DNALI1: variants seen among roughly 807,000 people sequenced by gnomAD.
The protein encoded by DNALI1 is dynein axonemal light intermediate chain 1.
A neutral mutation model predicts 33.9 loss-of-function variants in DNALI1; 31 were observed. The ratio of observed to expected loss-of-function variants is 0.91; its 90% CI spans 0.69 to 1.23. The LOEUF is 1.23. DNALI1 is among the 50% of genes most tolerant of loss of function. DNALI1 has a pLI of 0.00. For synonymous variants in DNALI1, 117 were observed against 129.2 expected (o/e 0.91, Z 0.64); for missense variants, 305 against 323.8 (o/e 0.94, Z 0.44).
rs1161825648 is a variant in DNALI1, at chr1:37,559,464, C to G, written c.365C>G (p.Pro122Arg). The G allele has an allele frequency of 3.1e-6, 5 of 1,612,252 alleles. No homozygotes were observed. Among genetic ancestry groups the G allele is most frequent in the Non-Finnish European group, 4.2e-6 (5 of 1,179,374 alleles). ...QRQARETGICPVRRELYSQCF... is the reference protein window; with the variant it reads ...QRQARETGICRVRRELYSQCF... ...CAGGCCAGGGAAACAGGCATCTGCCCTGTCCGCAGGGAACTCTACTCACAG... is the reference window on the plus strand; with the variant it reads ...CAGGCCAGGGAAACAGGCATCTGCCGTGTCCGCAGGGAACTCTACTCACAG... Residue 122 changes from proline to arginine, a missense_variant, in exon 3 of 6, where the codon CCT (proline) becomes CGT (arginine). Pro to Arg is a moderately radical substitution (Grantham distance 103, BLOSUM62 -2). Transcript: ENST00000652629. This position sits in a 1 kb window ranked among gnomAD's most constrained non-coding sequence, Gnocchi z 5.3.
Position 37,561,476 on chromosome 1 carries a change from G to A in DNALI1, c.398-81G>A. On this transcript the variant is annotated intron_variant, in intron 3 of 5. Transcript: ENST00000652629. This position sits in a 1 kb window ranked among gnomAD's most constrained non-coding sequence, Gnocchi z 4.6. The stretch of plus-strand genomic sequence containing the variant: ...GAGAACACCCTAATGTCCTTCCCAA[G>A]AGGAAGGGTGTTTGCAGTAGACATA... The A allele has an allele frequency of 1.3e-6, 2 of 1,506,160 alleles. No homozygotes were observed. Among genetic ancestry groups the A allele is most frequent in the Non-Finnish European group, 1.8e-6 (2 of 1,107,870 alleles). The allele number at this position is 1,506,160 out of a possible 1,614,324, so 93.3% of individuals were successfully genotyped here. A position where few individuals can be genotyped will look rare whatever the true frequency, so the allele number is the denominator to read the frequency against.
At chr1:37,564,782 AT>A (rs1643480933) in intron 5 of DNALI1, among the ~76,000 whole-genome samples, 1 of 152,186 alleles carries the variant, frequency 6.6e-6, no homozygotes, top group African/African-American at 2.4e-5. Context: ...AATGCTTTAT[AT>A]CATACCCGGA....
chr1:37,561,757 C>G lies in DNALI1; in HGVS notation c.576+22C>G, dbSNP rs771061760. Reference sequence around the variant, plus strand: ...GAAAGTGAGTGGGGTTTACCGTGACCCTTGGTCCCATCTCTTCTGTAAACC... The same window carrying G: ...GAAAGTGAGTGGGGTTTACCGTGACGCTTGGTCCCATCTCTTCTGTAAACC... On this transcript the variant is annotated intron_variant, in intron 4 of 5. Coordinates refer to ENST00000652629, the MANE Select transcript of DNALI1 (RefSeq NM_003462.5). The surrounding 1 kb of genome is among the most constrained non-coding windows in gnomAD (Gnocchi z 4.6). The G allele has an allele frequency of 1.2e-6, 2 of 1,606,312 alleles. No homozygotes were observed. The highest frequency in any genetic ancestry group is 1.7e-5 in the Admixed American group (1 of 59,618).
In DNALI1 at chr1:37,561,903, C is replaced by T; in HGVS notation, c.576+168C>T. 7.4e-7 allele frequency: 1 copy of T among 1,349,628 alleles called. No individual in the cohort carries two copies. The highest frequency in any genetic ancestry group is 1.0e-6 in the Non-Finnish European group (1 of 992,322). The allele number at this position is 1,349,628 out of a possible 1,614,324, so 83.6% of individuals were successfully genotyped here. ...GGGACCCCTGGTTGAGTATGATGGC[C>T]AGCCTGGTGGTCTTGGCAGAGTTGT... On this transcript the variant is annotated intron_variant, in intron 4 of 5. Coordinates refer to ENST00000652629, the MANE Select transcript of DNALI1 (RefSeq NM_003462.5). This position sits in a 1 kb window ranked among gnomAD's most constrained non-coding sequence, Gnocchi z 4.6.
At position 37,559,086 on chromosome 1, in the gene DNALI1, C is replaced by G. The variant is rs1643405564; in HGVS notation, c.228-241C>G. On this transcript the variant is annotated intron_variant, in intron 2 of 5. Coordinates refer to ENST00000652629, the MANE Select transcript of DNALI1 (RefSeq NM_003462.5). This position sits in a 1 kb window ranked among gnomAD's most constrained non-coding sequence, Gnocchi z 5.3. ...TCTGGAACAGTGGGGAATGATTTCA[C>G]AGAGGCCCGTTGCCAAGGTGGAAAT... 6.6e-6 allele frequency among the ~76,000 whole-genome samples: 1 copy of G among 152,238 alleles called. No individual in the cohort carries two copies.
chr1:37,566,257 C>G lies in DNALI1; in HGVS notation c.*1196C>G, dbSNP rs1257626781. 2 of 152,534 alleles carry G rather than the reference C, an allele frequency of 1.3e-5. No homozygotes were observed. The highest frequency in any genetic ancestry group is 2.1e-4 in the South Asian group (1 of 4,834). The allele number at this position is 152,534 out of a possible 1,614,324, so 9.4% of individuals were successfully genotyped here. On this transcript the variant is annotated 3_prime_UTR_variant, in exon 6 of 6. Transcript: ENST00000652629. ...CTAAGGAGCAGCTTTTACCCTGATC[C>G]AGTATCCTGAGGAATTTTAAGCCTC...
chr1:37,561,945 C>G lies in DNALI1; in HGVS notation c.577-136C>G. On this transcript the variant is annotated intron_variant, in intron 4 of 5. Coordinates refer to ENST00000652629, the MANE Select transcript of DNALI1 (RefSeq NM_003462.5). The surrounding 1 kb of genome is among the most constrained non-coding windows in gnomAD (Gnocchi z 4.6). ...CAGAGTTGTTTCCGCTGTAGACGCT[C>G]CATGCCAGGCACTGACCTCCCACTG... 1 of 1,442,426 alleles carries G rather than the reference C, an allele frequency of 6.9e-7. No homozygotes were observed. The highest frequency in any genetic ancestry group is 9.4e-7 in the Non-Finnish European group (1 of 1,058,912). 89.4% of individuals were successfully genotyped at this position (1,442,426 alleles called of 1,614,324 possible).
chr1:37,561,459 C>A lies in DNALI1; in HGVS notation c.398-98C>A. Reference sequence around the variant, plus strand: ...GCACTTTGTCTCCAAGCGAGAACACCCTAATGTCCTTCCCAAGAGGAAGGG... The same window carrying A: ...GCACTTTGTCTCCAAGCGAGAACACACTAATGTCCTTCCCAAGAGGAAGGG... On this transcript the variant is annotated intron_variant, in intron 3 of 5. Transcript: ENST00000652629. This position sits in a 1 kb window ranked among gnomAD's most constrained non-coding sequence, Gnocchi z 4.6. 6.9e-7 allele frequency: 1 copy of A among 1,458,314 alleles called. No homozygotes were observed. The highest frequency in any genetic ancestry group is 9.3e-7 in the Non-Finnish European group (1 of 1,077,544). The allele number at this position is 1,458,314 out of a possible 1,614,324, so 90.3% of individuals were successfully genotyped here. A position where few individuals can be genotyped will look rare whatever the true frequency, so the allele number is the denominator to read the frequency against.
chr1:37,560,530 T>C (rs1465896751), intron 3 of DNALI1: 3 of 152,192 alleles, frequency 2.0e-5, no homozygotes, highest in East Asian at 1.9e-4. Flanking sequence ...GAGCTCAAGG[T>C]TGGGGCAAAG....
At chr1:37,558,591 C>T (rs1165834964) in intron 2 of DNALI1, among the ~76,000 whole-genome samples, 1 of 152,192 alleles carries the variant, frequency 6.6e-6, no homozygotes, top group African/African-American at 2.4e-5. Context: ...CCACAGGGAC[C>T]TCACTTGCTA....
intron 5 of DNALI1, among the ~76,000 whole-genome samples, chr1:37,563,933 A>C (rs1480155239): frequency 6.6e-6 from 1 of 152,126 alleles, no homozygotes; most frequent in Non-Finnish European, 1.5e-5. Flanking sequence ...TAAGCTTTAC[A>C]TAAAGAGGGA....
rs1643503324 is a variant in DNALI1 at position 37,566,523 on chromosome 1, C to T, written c.*1462C>T. Reference sequence around the variant, plus strand: ...TTGAAATTTGCAGTTCTGTATGCTTCTATTCCAAATCATTCATTACCAATA... The same window carrying T: ...TTGAAATTTGCAGTTCTGTATGCTTTTATTCCAAATCATTCATTACCAATA... On this transcript the variant is annotated 3_prime_UTR_variant, in exon 6 of 6. Transcript: ENST00000652629. The T allele has an allele frequency of 4.2e-6, 1 of 238,138 alleles. No homozygotes were observed. Among genetic ancestry groups the T allele is most frequent in the Non-Finnish European group, 8.1e-6 (1 of 123,902 alleles). 14.8% of individuals were successfully genotyped at this position (238,138 alleles called of 1,614,324 possible). A position where few individuals can be genotyped will look rare whatever the true frequency, so the allele number is the denominator to read the frequency against.
In DNALI1 at chr1:37,557,515, C is replaced by T. The variant is rs1643386017; in HGVS notation, c.82-88C>T. 3 of 1,504,714 alleles carry T rather than the reference C, an allele frequency of 2.0e-6. No individual in the cohort carries two copies. The South Asian group carries it at 4.0e-5, about 20-fold the overall frequency. The allele number at this position is 1,504,714 out of a possible 1,614,324, so 93.2% of individuals were successfully genotyped here. On this transcript the variant is annotated intron_variant, in intron 1 of 5. Coordinates refer to ENST00000652629, the MANE Select transcript of DNALI1 (RefSeq NM_003462.5). The stretch of plus-strand genomic sequence containing the variant: ...AGGCTAGGAAGAGGGGAGGGCTGTG[C>T]AGAAGACCTGGAGCAATATACAGGT...
At chr1:37,564,715 T>C (rs956789327) in intron 5 of DNALI1, among the ~76,000 whole-genome samples, 12 of 152,314 alleles carry the variant, frequency 7.9e-5, no homozygotes, top group African/African-American at 2.9e-4. Flanking sequence ...AGACATATTC[T>C]GGCCTGAAAC....
At position 37,566,051 on chromosome 1, in the gene DNALI1, G is replaced by A. The variant is rs1643496175; in HGVS notation, c.*990G>A. 2.0e-5 allele frequency: 3 copies of A among 152,176 alleles called. No homozygotes were observed. The highest frequency in any genetic ancestry group is 1.3e-4 in the Admixed American group (2 of 15,280). The allele number at this position is 152,176 out of a possible 1,614,324, so 9.4% of individuals were successfully genotyped here. ...CTGCACAAGTAACATTACCTAAAAG[G>A]CACTAACATGCTCAGGTTCCCCAGA... On this transcript the variant is annotated 3_prime_UTR_variant, in exon 6 of 6. Transcript: ENST00000652629.
Position 37,561,624 on chromosome 1 carries a change from CG to C in DNALI1, c.466del (p.Glu156ArgfsTer4). On this transcript the variant is annotated frameshift_variant, in exon 4 of 6. Coordinates refer to ENST00000652629, the MANE Select transcript of DNALI1 (RefSeq NM_003462.5). LOFTEE classifies it high-confidence loss of function. This position sits in a 1 kb window ranked among gnomAD's most constrained non-coding sequence, Gnocchi z 4.6. Reference sequence around the variant, plus strand: ...GGCTGCTGCTGCTGCGAGTCCGGGACGAGATCCGCATGACCATCGCTGCCTA... The same window carrying C: ...GGCTGCTGCTGCTGCGAGTCCGGGACAGATCCGCATGACCATCGCTGCCTA... The part of the protein sequence containing the change: ...RGLLLLRVRD[E>X]IRMTIAAYQT... 1 of 1,613,814 alleles carries C rather than the reference CG, an allele frequency of 6.2e-7. No individual in the cohort carries two copies. Among genetic ancestry groups the C allele is most frequent in the Non-Finnish European group, 8.5e-7 (1 of 1,179,884 alleles).
At chr1:37,563,536 G>T (rs1170746244) in intron 5 of DNALI1, among the ~76,000 whole-genome samples, 2 of 152,106 alleles carry the variant, frequency 1.3e-5, no homozygotes, top group African/African-American at 4.8e-5. Flanking sequence ...TGTTGCCCAG[G>T]CTGGAGTGCA....
Position 37,566,765 on chromosome 1 carries a change from A to AT in DNALI1, c.*1706dup. On this transcript the variant is annotated 3_prime_UTR_variant, in exon 6 of 6. Coordinates refer to ENST00000652629, the MANE Select transcript of DNALI1 (RefSeq NM_003462.5). ...AACTGTCAAACCTCAGAACAAATGC[A>AT]TTAGGGCCTTAGAAATGTCAATGGG... 8.2e-7 allele frequency: 1 copy of AT among 1,213,358 alleles called. No homozygotes were observed. Among genetic ancestry groups the AT allele is most frequent in the Non-Finnish European group, 1.2e-6 (1 of 836,744 alleles). The allele number at this position is 1,213,358 out of a possible 1,614,324, so 75.2% of individuals were successfully genotyped here. A position where few individuals can be genotyped will look rare whatever the true frequency, so the allele number is the denominator to read the frequency against.
In DNALI1 at chr1:37,565,403, C is replaced by G. The variant is rs1354206914; in HGVS notation, c.*342C>G. 1 of 233,074 alleles carries G rather than the reference C, an allele frequency of 4.3e-6. No individual in the cohort carries two copies. The highest frequency in any genetic ancestry group is 5.4e-5 in the Admixed American group (1 of 18,638). 14.4% of individuals were successfully genotyped at this position (233,074 alleles called of 1,614,324 possible). On this transcript the variant is annotated 3_prime_UTR_variant, in exon 6 of 6. Coordinates refer to ENST00000652629, the MANE Select transcript of DNALI1 (RefSeq NM_003462.5). ...TTCTCATCATCACTCTATACCAATACTTATTTCTGGCCAAATGAATCTGCT... is the reference window on the plus strand; with the variant it reads ...TTCTCATCATCACTCTATACCAATAGTTATTTCTGGCCAAATGAATCTGCT...
Sources: allele counts gnomAD v4.1 joint callset (sites outside exome capture counted in the v4.1 genomes callset), GRCh38; gene constraint gnomAD v4.1.1; non-coding constraint Gnocchi (gnomAD v3.1); transcripts MANE v1.5; gene names NCBI Gene and HGNC (gene_info 2026-07-23, HGNC 2026-07-21).